The following HNF4A variants were observed in gnomAD, a reference collection of about 807,000 sequenced individuals.
The protein encoded by HNF4A is hepatocyte nuclear factor 4 alpha, also known as hepatocyte nuclear factor 4-alpha.
In HNF4A, 15 loss-of-function variants were observed where a neutral mutation model predicts 52.4. That is an observed-to-expected ratio of 0.29 (90% CI 0.19 to 0.44). HNF4A has a LOEUF of 0.44. HNF4A is among the 20% of genes least tolerant of loss of function. HNF4A has a pLI of 1.00. For missense variants in HNF4A, 479 were observed against 647.2 expected, an observed-to-expected ratio of 0.74 and a Z score of 2.82; for synonymous variants, 280 against 264.4, an observed-to-expected ratio of 1.06 and a Z score of -0.57.
chr20:44,429,590 G>T lies in HNF4A; in HGVS notation c.1350G>T (p.Pro450=). 1 of 1,613,890 alleles carries T rather than the reference G, an allele frequency of 6.2e-7. No homozygotes were observed. The highest frequency in any genetic ancestry group is 8.5e-7 in the Non-Finnish European group (1 of 1,179,958). The stretch of plus-strand genomic sequence containing the variant: ...GGTCTGAGCCCTATAAGCTCCTGCC[G>T]GGAGCCGTCGCCACAATCGTCAAGC... Residue 450 remains proline (P), a synonymous_variant, in exon 10 of 10, where the codon CCG becomes CCT. Transcript: ENST00000316099.
chr20:44,421,792 AT>A, intron 7 of HNF4A, among the ~76,000 whole-genome samples: 2 of 146,580 alleles, frequency 1.4e-5, no homozygotes, highest in Middle Eastern at 3.6e-3. Context: ...TATAATATAT[AT>A]TATATATATA....
chr20:44,407,646 G>T (rs1008827781), intron 3 of HNF4A, among the ~76,000 whole-genome samples, 171 bp downstream of exon 3: 12 of 152,246 alleles, frequency 7.9e-5, no homozygotes, highest in African/African-American at 2.9e-4. Context: ...GGGAGCGGCT[G>T]GGCTTGGTCT....
chr20:44,383,702 T>C (rs1435150879), intron 1 of HNF4A, among the ~76,000 whole-genome samples: 2 of 151,334 alleles, frequency 1.3e-5, no homozygotes, highest in South Asian at 2.1e-4. Context: ...TACAGGCACA[T>C]GCCATCATGC....
At chr20:44,407,243 G>A in intron 2 of HNF4A, 138 bp from the exon 3 acceptor site, 1 of 723,868 alleles carries the variant, frequency 1.4e-6, no homozygotes, top group East Asian at 2.7e-5. Context: ...AGCTCCTGGT[G>A]GGTTCAAGAG....
chr20:44,392,384 GC>G (rs1419160159), intron 1 of HNF4A, among the ~76,000 whole-genome samples: 1 of 152,114 alleles, frequency 6.6e-6, no homozygotes, highest in Non-Finnish European at 1.5e-5. Flanking sequence ...CAAATTTGAA[GC>G]CCCCCTACAG....
intron 4 of HNF4A, 55 bp downstream of exon 4, chr20:44,413,855 C>T: frequency 3.6e-6 from 4 of 1,107,842 alleles, no homozygotes; most frequent in East Asian, 4.9e-5. Context: ...CAGAGGAGCT[C>T]ACCTCCTCCA....
chr20:44,389,026 C>T (rs1003337237), intron 1 of HNF4A, among the ~76,000 whole-genome samples: 3 of 152,206 alleles, frequency 2.0e-5, no homozygotes, highest in African/African-American at 4.8e-5. Context: ...GACTTAGCAG[C>T]CCCACTCCCT....
chr20:44,364,178 G>A (rs2062947032), intron 1 of HNF4A, among the ~76,000 whole-genome samples: 1 of 152,126 alleles, frequency 6.6e-6, no homozygotes, highest in Non-Finnish European at 1.5e-5. Context: ...GGCTCCATCA[G>A]AGACACTTCT....
Position 44,428,381 on chromosome 20 carries a change from C to T in HNF4A, c.1176C>T (p.His392=). 6.2e-7 allele frequency: 1 copy of T among 1,613,974 alleles called. No homozygotes were observed. The highest frequency in any genetic ancestry group is 1.3e-5 in the African/African-American group (1 of 75,016). Residue 392 remains histidine (H), a synonymous_variant, in exon 9 of 10, where the codon CAC becomes CAT. Transcript: ENST00000316099. ...ATGCCCACCACCCCCTGCACCCTCACCTGATGCAGGAACATATGGGAACCA... is the reference window on the plus strand; with the variant it reads ...ATGCCCACCACCCCCTGCACCCTCATCTGATGCAGGAACATATGGGAACCA...
At chr20:44,426,124 G>C (rs961017595) in intron 8 of HNF4A, among the ~76,000 whole-genome samples, 6 of 152,192 alleles carry the variant, frequency 3.9e-5, no homozygotes, top group African/African-American at 1.4e-4. Flanking sequence ...CTGGCCAGAG[G>C]GGTAGGAGAA....
intron 1 of HNF4A, among the ~76,000 whole-genome samples, chr20:44,404,957 G>GGT (rs1204981322): frequency 1.6e-4 from 2 of 12,628 alleles, no homozygotes; most frequent in Admixed American, 1.6e-3. Flanking sequence ...GGAACTGTGT[G>GGT]GTGTGTGTGG....
chr20:44,379,348 T>A (rs1456926543), intron 1 of HNF4A, among the ~76,000 whole-genome samples: 1 of 152,094 alleles, frequency 6.6e-6, no homozygotes, highest in Admixed American at 6.6e-5. Flanking sequence ...ATAGTTCTAT[T>A]TTTCATTTTT....
intron 1 of HNF4A, among the ~76,000 whole-genome samples, chr20:44,394,918 G>C (rs1443842741): frequency 6.6e-6 from 1 of 152,260 alleles, no homozygotes; most frequent in East Asian, 1.9e-4. Flanking sequence ...GACAGGGAGG[G>C]AGGAAGGAGG....
At chr20:44,369,422 C>A (rs1241506549) in intron 1 of HNF4A, among the ~76,000 whole-genome samples, 3 of 151,060 alleles carry the variant, frequency 2.0e-5, no homozygotes, top group Non-Finnish European at 4.4e-5. Flanking sequence ...AGACTGAGAC[C>A]CTGCCTCAAA....
intron 1 of HNF4A, among the ~76,000 whole-genome samples, chr20:44,369,249 CAAAAAAAAAAAAAAAAA>C (rs751374772): frequency 4.0e-5 from 1 of 24,822 alleles, no homozygotes; most frequent in African/African-American, 1.8e-4. Flanking sequence ...AACTCCATCT[CAAAAAAAAAAAAAAAAA>C]AAAAAAAAAA....
intron 3 of HNF4A, among the ~76,000 whole-genome samples, chr20:44,410,441 C>A (rs1033066682): frequency 3.6e-4 from 54 of 151,958 alleles, no homozygotes; most frequent in African/African-American, 1.3e-3. Context: ...TGTGGTCAAG[C>A]CATAGGAAAT....
At chr20:44,403,769 A>C (rs1443388701) in intron 1 of HNF4A, among the ~76,000 whole-genome samples, 1 of 152,090 alleles carries the variant, frequency 6.6e-6, no homozygotes, top group Non-Finnish European at 1.5e-5. Context: ...TGACACCAGG[A>C]AGCCACTTTT....
chr20:44,359,037 G>A (rs2062890449), intron 1 of HNF4A, among the ~76,000 whole-genome samples: 1 of 152,146 alleles, frequency 6.6e-6, no homozygotes, highest in African/African-American at 2.4e-5. Flanking sequence ...GAATTGTGGT[G>A]TCTGGCTGCC....
At chr20:44,371,549 G>T (rs1428565608) in intron 1 of HNF4A, among the ~76,000 whole-genome samples, 3 of 152,198 alleles carry the variant, frequency 2.0e-5, no homozygotes, top group Non-Finnish European at 4.4e-5. Context: ...TAGAGGCTGG[G>T]CCCGGTGGCT....
Sources: gnomAD v4.1 joint callset for allele counts (sites outside exome capture counted in the v4.1 genomes callset) on GRCh38, gnomAD v4.1.1 for gene constraint, MANE v1.5 for transcripts, NCBI Gene and HGNC (gene_info 2026-07-23, HGNC 2026-07-21) for gene names.